RAPGEF6: variants seen among roughly 807,000 people sequenced by gnomAD.
RAPGEF6 encodes the protein Rap guanine nucleotide exchange factor 6, also known as PDZ domain containing guanine nucleotide exchange factor (GEF) 2.
A neutral mutation model predicts 171.4 loss-of-function variants in RAPGEF6; 56 were observed. That is an observed-to-expected ratio of 0.33 (90% confidence interval 0.26 to 0.41). The LOEUF is 0.41. Among genes scored for constraint, RAPGEF6 ranks in the 10% least tolerant of loss-of-function variants. RAPGEF6 has a pLI of 1.00. For synonymous variants in RAPGEF6, 692 were observed against 650.1 expected, an observed-to-expected ratio of 1.06 and a Z score of -0.98; for missense variants, 1,674 against 1,921.4, an observed-to-expected ratio of 0.87 and a Z score of 2.41.
chr5:131,530,678 A>C (rs1181906493), intron 6 of RAPGEF6, among the ~76,000 whole-genome samples: 3 of 152,212 alleles, frequency 2.0e-5, no homozygotes. Flanking sequence ...TCCTGCTCAT[A>C]TAATGTTTGC....
intron 19 of RAPGEF6, 56 bp downstream of exon 19, chr5:131,461,649 A>G (rs1753941882): frequency 6.1e-6 from 9 of 1,469,740 alleles, no homozygotes; most frequent in Non-Finnish European, 8.3e-6. Context: ...GTAGAAAATC[A>G]GCTGCATGTA....
chr5:131,617,547 G>A (rs1382944738), intron 1 of RAPGEF6, among the ~76,000 whole-genome samples: 1 of 152,120 alleles, frequency 6.6e-6, no homozygotes, highest in South Asian at 2.1e-4. Flanking sequence ...CCACCTCCCG[G>A]GTTCAAGCGA....
chr5:131,473,816 A>G (rs1754914984), intron 16 of RAPGEF6, among the ~76,000 whole-genome samples: 1 of 152,256 alleles, frequency 6.6e-6, no homozygotes, highest in Non-Finnish European at 1.5e-5. Flanking sequence ...AAACTATGCA[A>G]GATGGAGAGT....
chr5:131,528,209 A>G, intron 6 of RAPGEF6, among the ~76,000 whole-genome samples: 1 of 124,984 alleles, frequency 8.0e-6, no homozygotes, highest in Non-Finnish European at 1.6e-5. Flanking sequence ...TATATTATAT[A>G]TAAATAAAAT....
chr5:131,528,313 T>TATTTTATATA (rs1251388931), intron 6 of RAPGEF6, among the ~76,000 whole-genome samples: 116 of 48,828 alleles, frequency 2.4e-3, no homozygotes, highest in Non-Finnish European at 3.4e-3. Context: ...TATATTTATA[T>TATTTTATATA]TATATATATA....
intron 6 of RAPGEF6, among the ~76,000 whole-genome samples, chr5:131,529,740 G>A (rs935851741): frequency 1.3e-5 from 2 of 151,932 alleles, no homozygotes; most frequent in East Asian, 3.9e-4. Flanking sequence ...GAGAGACCTT[G>A]TCTCTACAAA....
intron 5 of RAPGEF6, among the ~76,000 whole-genome samples, chr5:131,550,900 A>G (rs1411331326): frequency 6.6e-6 from 1 of 152,192 alleles, no homozygotes; most frequent in Non-Finnish European, 1.5e-5. Context: ...CTACTCCAGA[A>G]AAGTATTACT....
chr5:131,440,241 A>G (rs1159108713), intron 23 of RAPGEF6: 2 of 456,410 alleles, frequency 4.4e-6, no homozygotes, highest in Non-Finnish European at 8.8e-6. Context: ...ACAGGAGAGA[A>G]GTAAACAACA....
At chr5:131,521,567 C>A (rs1758481882) in intron 6 of RAPGEF6, 46 bp from the exon 7 acceptor site, 1 of 1,555,734 alleles carries the variant, frequency 6.4e-7, no homozygotes, top group East Asian at 2.3e-5. Flanking sequence ...CAAGCTTTAC[C>A]TTTTTAAGCG....
chr5:131,438,372 T>C (rs554847137), intron 24 of RAPGEF6, among the ~76,000 whole-genome samples: 2 of 152,298 alleles, frequency 1.3e-5, no homozygotes, highest in Admixed American at 6.5e-5. Context: ...CTGTACATAA[T>C]TGCCACATAG....
At chr5:131,579,186 T>C (rs1252359008) in intron 4 of RAPGEF6, among the ~76,000 whole-genome samples, 1 of 152,184 alleles carries the variant, frequency 6.6e-6, no homozygotes, top group African/African-American at 2.4e-5. Flanking sequence ...TCTGGAGTTG[T>C]TCATTCCTGC....
intron 4 of RAPGEF6, among the ~76,000 whole-genome samples, chr5:131,589,794 G>A (rs1763482081): frequency 6.6e-6 from 1 of 152,158 alleles, no homozygotes; most frequent in Admixed American, 6.5e-5. Flanking sequence ...CCAGCTTCAG[G>A]GGCCATCTGC....
intron 6 of RAPGEF6, among the ~76,000 whole-genome samples, chr5:131,529,153 G>GAAA (rs111967742): frequency 7.5e-6 from 1 of 132,556 alleles, no homozygotes; most frequent in Non-Finnish European, 1.6e-5. Flanking sequence ...AGAGACCACG[G>GAAA]AAAAAAAAAA....
intron 4 of RAPGEF6, among the ~76,000 whole-genome samples, chr5:131,574,347 C>T (rs1762477591): frequency 6.6e-6 from 1 of 152,114 alleles, no homozygotes; most frequent in African/African-American, 2.4e-5. Flanking sequence ...TGACACTGCC[C>T]GATCGCCTTG....
At chr5:131,508,257 TA>T in intron 8 of RAPGEF6, 50 bp from the exon 9 acceptor site, 1 of 1,471,214 alleles carries the variant, frequency 6.8e-7, no homozygotes. Context: ...GACTATACCT[TA>T]AAAATACAAC....
intron 23 of RAPGEF6, chr5:131,440,295 G>C (rs1270824030): frequency 4.4e-6 from 2 of 453,352 alleles, no homozygotes; most frequent in Non-Finnish European, 8.9e-6. Context: ...CAGCACAGTG[G>C]AACGATTCCT....
At chr5:131,450,252 A>C (rs1422818468) in intron 21 of RAPGEF6, among the ~76,000 whole-genome samples, 1 of 152,240 alleles carries the variant, frequency 6.6e-6, no homozygotes, top group African/African-American at 2.4e-5. Context: ...AAAAAGCTCC[A>C]AAATACTTTA....
At chr5:131,587,864 G>A (rs1763348778) in intron 4 of RAPGEF6, among the ~76,000 whole-genome samples, 1 of 152,190 alleles carries the variant, frequency 6.6e-6, no homozygotes, top group Non-Finnish European at 1.5e-5. Context: ...CTGGAAGGAA[G>A]GAATGCTACA....
At chr5:131,542,423 A>C (rs1760214501) in intron 6 of RAPGEF6, among the ~76,000 whole-genome samples, 1 of 152,148 alleles carries the variant, frequency 6.6e-6, no homozygotes, top group South Asian at 2.1e-4. Flanking sequence ...CAGACATACA[A>C]AGGTCATACA....
Sources: gnomAD v4.1 joint callset for allele counts (sites outside exome capture counted in the v4.1 genomes callset) on GRCh38, gnomAD v4.1.1 for gene constraint, MANE v1.5 for transcripts, NCBI Gene and HGNC (gene_info 2026-07-23, HGNC 2026-07-21) for gene names.